AP3B1: variants seen among roughly 807,000 people sequenced by gnomAD.
The protein encoded by AP3B1 is adaptor related protein complex 3 subunit beta 1.
A neutral mutation model predicts 132.5 loss-of-function variants in AP3B1; 61 were observed. The ratio of observed to expected loss-of-function variants is 0.46; its 90% CI spans 0.37 to 0.57. The LOEUF (loss-of-function observed/expected upper bound fraction) is 0.57, where lower values mean the gene tolerates loss of function less well. Among genes scored for constraint, AP3B1 ranks in the 20% least tolerant of loss-of-function variants. AP3B1 has a pLI of 0.00. For synonymous variants in AP3B1, 388 were observed against 438.3 expected (o/e 0.89, Z 1.43); for missense variants, 1,120 against 1,289.4 (o/e 0.87, Z 2.01).
intron 1 of AP3B1, among the ~76,000 whole-genome samples, chr5:78,290,957 A>C (rs1749487868): frequency 6.6e-6 from 1 of 152,186 alleles, no homozygotes; most frequent in South Asian, 2.1e-4. Context: ...TCAAAAAATA[A>C]AAAATAAGAG....
chr5:78,069,019 C>G (rs1326695928), intron 22 of AP3B1, among the ~76,000 whole-genome samples: 1 of 152,198 alleles, frequency 6.6e-6, no homozygotes, highest in Non-Finnish European at 1.5e-5. Flanking sequence ...AGGATTATCT[C>G]AATAGATGCA....
rs182886063 is a variant in AP3B1 at position 78,228,972 on chromosome 5, G to A, written c.280-733C>T. Among the ~76,000 whole-genome samples, 161 of 152,088 alleles carry A rather than the reference G, an allele frequency of 1.1e-3. 1 individual carries two copies. Among genetic ancestry groups the A allele is most frequent in the African/African-American group, 2.8e-3 (118 of 41,486 alleles). On this transcript the variant is annotated intron_variant, in intron 3 of 26. Transcript: ENST00000255194. The stretch of plus-strand genomic sequence containing the variant: ...TTCTGAGACACAGTCTTGCTTTGTC[G>A]CACAGGGTGCAGTGCAATAGCACAA...
At chr5:78,046,345 C>T (rs1334477228) in intron 22 of AP3B1, among the ~76,000 whole-genome samples, 2 of 152,214 alleles carry the variant, frequency 1.3e-5, no homozygotes, top group African/African-American at 4.8e-5. Context: ...AGGCAGCACG[C>T]CCCTTATGAG....
chr5:78,083,713 G>A (rs1316744015), intron 22 of AP3B1, among the ~76,000 whole-genome samples: 1 of 152,098 alleles, frequency 6.6e-6, no homozygotes, highest in Non-Finnish European at 1.5e-5. Flanking sequence ...ATTTATTATA[G>A]AGTTATTAAA....
chr5:78,067,166 A>G (rs918329520), intron 22 of AP3B1, among the ~76,000 whole-genome samples: 1 of 152,222 alleles, frequency 6.6e-6, no homozygotes, highest in African/African-American at 2.4e-5. Context: ...ATCAAAAAAG[A>G]CAAAGAAGGG....
chr5:78,171,815 C>T (rs1743930828), intron 11 of AP3B1, among the ~76,000 whole-genome samples: 1 of 152,096 alleles, frequency 6.6e-6, no homozygotes, highest in Admixed American at 6.6e-5. Flanking sequence ...TTGTCTTGTG[C>T]CAGTTTTCAA....
chr5:78,228,228 C>A lies in AP3B1; in HGVS notation c.291G>T (p.Leu97Phe). The change falls in exon 4 of 27, where the codon TTG (leucine) becomes TTT (phenylalanine). Residue 97 changes from leucine (L) to phenylalanine (F), a missense_variant. Physicochemically the swap from Leu to Phe is conservative, Grantham distance 22. Transcript: ENST00000255194. ...CATATCGAACCAGGTAAACATATAC[C>A]AACTTCTTGATCTGTTAAAAAAAAA... ...VASKNIEIKK[L>F]VYVYLVRYAE... 1 of 1,604,332 alleles carries A rather than the reference C, an allele frequency of 6.2e-7. No homozygotes were observed. The highest frequency in any genetic ancestry group is 1.1e-5 in the South Asian group (1 of 90,614).
chr5:78,111,499 C>A (rs549748260), intron 19 of AP3B1, among the ~76,000 whole-genome samples: 4 of 152,030 alleles, frequency 2.6e-5, no homozygotes, highest in Non-Finnish European at 5.9e-5. Context: ...TAAATTATAG[C>A]GTGTCAGGAG....
chr5:78,104,617 T>C (rs914431103), intron 20 of AP3B1, among the ~76,000 whole-genome samples: 1 of 152,180 alleles, frequency 6.6e-6, no homozygotes, highest in African/African-American at 2.4e-5. Flanking sequence ...ACTTTTCAAA[T>C]AGAACATAAA....
At chr5:78,182,209 T>C (rs1443923885) in intron 7 of AP3B1, among the ~76,000 whole-genome samples, 1 of 152,246 alleles carries the variant, frequency 6.6e-6, no homozygotes, top group Non-Finnish European at 1.5e-5. Flanking sequence ...TAGGTTTTTG[T>C]TTTGAATTCT....
chr5:78,082,059 A>G (rs185395493), intron 22 of AP3B1, among the ~76,000 whole-genome samples: 1 of 152,304 alleles, frequency 6.6e-6, no homozygotes, highest in African/African-American at 2.4e-5. Flanking sequence ...TCAGTCCCTG[A>G]TTCTGCAGAT....
chr5:78,261,767 T>G (rs533120251), intron 2 of AP3B1, among the ~76,000 whole-genome samples: 1 of 151,428 alleles, frequency 6.6e-6, no homozygotes, highest in Non-Finnish European at 1.5e-5. Context: ...GTTGTTGTTT[T>G]TTGAGACGCG....
intron 14 of AP3B1, among the ~76,000 whole-genome samples, chr5:78,153,080 A>G (rs1753738155): frequency 6.6e-6 from 1 of 152,284 alleles, no homozygotes; most frequent in South Asian, 2.1e-4. Context: ...ATTAAGTCCA[A>G]TGTTTCTTTG....
chr5:78,069,647 A>G (rs1211346669), intron 22 of AP3B1, among the ~76,000 whole-genome samples: 2 of 152,244 alleles, frequency 1.3e-5, no homozygotes, highest in African/African-American at 4.8e-5. Context: ...GGATAGGAAG[A>G]ATCAATATCA....
At chr5:78,199,319 AAT>A (rs1430640119) in intron 7 of AP3B1, among the ~76,000 whole-genome samples, 1 of 152,252 alleles carries the variant, frequency 6.6e-6, no homozygotes, top group Non-Finnish European at 1.5e-5. Flanking sequence ...TCTGAAATAA[AAT>A]ATGCTCATGA....
At chr5:78,284,538 G>T (rs375177328) in intron 1 of AP3B1, among the ~76,000 whole-genome samples, 1 of 152,130 alleles carries the variant, frequency 6.6e-6, no homozygotes, top group Admixed American at 6.5e-5. Context: ...TTTAAGAAAT[G>T]AGCAGGCTCC....
intron 12 of AP3B1, among the ~76,000 whole-genome samples, chr5:78,163,400 G>C (rs182190760): frequency 6.6e-4 from 101 of 152,020 alleles, no homozygotes; most frequent in African/African-American, 2.4e-3. Context: ...GGACCAGTAG[G>C]CTATTTACAA....
chr5:78,186,207 A>C (rs184997262), intron 7 of AP3B1, among the ~76,000 whole-genome samples: 1 of 152,342 alleles, frequency 6.6e-6, no homozygotes, highest in East Asian at 1.9e-4. Context: ...AAAAATACAT[A>C]GCATGCTAAT....
At chr5:78,093,467 G>A (rs1460030208) in intron 21 of AP3B1, among the ~76,000 whole-genome samples, 1 of 152,192 alleles carries the variant, frequency 6.6e-6, no homozygotes, top group African/African-American at 2.4e-5. Context: ...TGATATGTCA[G>A]AATGTTAACC....
Sources: allele counts gnomAD v4.1 joint callset (sites outside exome capture counted in the v4.1 genomes callset), GRCh38; gene constraint gnomAD v4.1.1; transcripts MANE v1.5; gene names NCBI Gene and HGNC (gene_info 2026-07-23, HGNC 2026-07-21).